Variants in DAD1 observed in about 807,000 individuals in gnomAD.
DAD1 encodes defender against cell death 1, also known as dolichyl-diphosphooligosaccharide--protein glycosyltransferase subunit DAD1.
In DAD1, 4 loss-of-function variants were observed where a neutral mutation model predicts 9.0. The ratio of observed to expected loss-of-function variants is 0.44; its 90% CI spans 0.22 to 1.01. DAD1 has a LOEUF of 1.01. Ranked by LOEUF, DAD1 falls within the 50% of genes least tolerant of loss-of-function variation. The pLI is 0.24. For missense variants in DAD1, 119 were observed against 137.3 expected (o/e 0.87, Z 0.67); for synonymous variants, 60 against 62.5 (o/e 0.96, Z 0.19).
At chr14:22,588,680 C>A (rs5742733) in intron 1 of DAD1, among the ~76,000 whole-genome samples, 4,588 of 152,234 alleles carry the variant, frequency 0.03, 102 homozygotes, top group Middle Eastern at 0.061. Context: ...TTTCCCCGGA[C>A]CAATATTAAG....
At chr14:22,588,347 C>A (rs1445094337) in intron 1 of DAD1, among the ~76,000 whole-genome samples, 1 of 152,010 alleles carries the variant, frequency 6.6e-6, no homozygotes, top group Non-Finnish European at 1.5e-5. Context: ...TAGCAGTCTA[C>A]AAGGTTACCA....
rs2139250874 is a variant in DAD1 at position 22,589,058 on chromosome 14, T to C, written c.100A>G (p.Ile34Val). Residue 34 changes from isoleucine to valine, a missense_variant, in exon 1 of 3, where the codon ATA becomes GTA. Transcript: ENST00000250498. Reference sequence around the variant, plus strand: ...AACTGCAGCGCCCCGGTCAGCAGTATATACAGCAGGTACGCGTCCAGCAAC... The same window carrying C: ...AACTGCAGCGCCCCGGTCAGCAGTACATACAGCAGGTACGCGTCCAGCAAC... ...LKLLDAYLLYILLTGALQFGY... is the reference protein window; with the variant it reads ...LKLLDAYLLYVLLTGALQFGY... 1.2e-6 allele frequency: 2 copies of C among 1,614,192 alleles called. No individual in the cohort carries two copies. Among genetic ancestry groups the C allele is most frequent in the Non-Finnish European group, 1.7e-6 (2 of 1,180,028 alleles).
chr14:22,588,252 C>A (rs1170329811), intron 1 of DAD1, among the ~76,000 whole-genome samples: 1 of 152,212 alleles, frequency 6.6e-6, no homozygotes, highest in East Asian at 1.9e-4. Flanking sequence ...AGAGGCCACG[C>A]CTGTTTTCAG....
At position 22,575,100 on chromosome 14, in the gene DAD1, G is replaced by C. The variant is rs2139240294; in HGVS notation, c.*3C>G. 6.2e-7 allele frequency: 1 copy of C among 1,613,740 alleles called. No homozygotes were observed. Among genetic ancestry groups the C allele is most frequent in the East Asian group, 2.2e-5 (1 of 44,882 alleles). On this transcript the variant is annotated 3_prime_UTR_variant, in exon 2 of 3. Transcript: ENST00000250498. Reference sequence around the variant, plus strand: ...ACTCCTCAATTAAGTAAATGAGAATGATTCAGCCAACAAAGTTCATGACAA... The same window carrying C: ...ACTCCTCAATTAAGTAAATGAGAATCATTCAGCCAACAAAGTTCATGACAA...
chr14:22,577,691 T>C (rs150494258), intron 1 of DAD1, among the ~76,000 whole-genome samples: 1 of 152,276 alleles, frequency 6.6e-6, no homozygotes, highest in African/African-American at 2.4e-5. Flanking sequence ...AAGGGACAAA[T>C]ACCATGTGGT....
At chr14:22,573,736 GA>G (rs572590900) in intron 2 of DAD1, among the ~76,000 whole-genome samples, 13,383 of 123,798 alleles carry the variant, frequency 0.11, 1,170 homozygotes, top group African/African-American at 0.25. Context: ...AAACAGAAAA[GA>G]AAAAAAAAAA....
At chr14:22,570,369 A>C (rs1037049296) in intron 2 of DAD1, among the ~76,000 whole-genome samples, 1 of 152,070 alleles carries the variant, frequency 6.6e-6, no homozygotes, top group Non-Finnish European at 1.5e-5. Flanking sequence ...TTTTGTTCCT[A>C]ACTCGACATT....
At position 22,586,269 on chromosome 14, in the gene DAD1, G is replaced by C. The variant is rs5742750; in HGVS notation, c.211+2678C>G. Among the ~76,000 whole-genome samples, 793 of 151,940 alleles carry C rather than the reference G, an allele frequency of 5.2e-3. 2 individuals carry two copies. The highest frequency in any genetic ancestry group is 0.018 in the African/African-American group (755 of 41,430). Reference sequence around the variant, plus strand: ...AGGATAAAGTCCAAATTCCTGGCCGGGCACAGTGACTCACACCTGTAATCC... The same window carrying C: ...AGGATAAAGTCCAAATTCCTGGCCGCGCACAGTGACTCACACCTGTAATCC... On this transcript the variant is annotated intron_variant, in intron 1 of 2. Transcript: ENST00000250498.
intron 1 of DAD1, among the ~76,000 whole-genome samples, chr14:22,581,185 A>C (rs1437785687): frequency 1.3e-5 from 2 of 152,244 alleles, no homozygotes; most frequent in Non-Finnish European, 2.9e-5. Flanking sequence ...CTCTCAAGGA[A>C]CTTACACTCC....
intron 1 of DAD1, among the ~76,000 whole-genome samples, chr14:22,580,765 T>C (rs1057284977): frequency 6.6e-5 from 10 of 152,012 alleles, no homozygotes; most frequent in Non-Finnish European, 1.2e-4. Flanking sequence ...CAAGAGGTGG[T>C]AGGGGGTGGC....
intron 1 of DAD1, among the ~76,000 whole-genome samples, chr14:22,582,805 T>C (rs1594884290): frequency 6.6e-6 from 1 of 151,968 alleles, no homozygotes; most frequent in Non-Finnish European, 1.5e-5. Context: ...CAGGAGTTCG[T>C]GACCAGCCTG....
intron 1 of DAD1, among the ~76,000 whole-genome samples, chr14:22,581,434 T>C (rs982925509): frequency 3.3e-5 from 5 of 152,044 alleles, no homozygotes; most frequent in African/African-American, 9.7e-5. Flanking sequence ...AGAACAATCT[T>C]GACATGTTAT....
chr14:22,573,691 CAG>C (rs2037058096), intron 2 of DAD1, among the ~76,000 whole-genome samples: 1 of 113,056 alleles, frequency 8.8e-6, no homozygotes, highest in East Asian at 2.7e-4. Flanking sequence ...GCCTGGGTAA[CAG>C]AGCGAGACTC....
intron 1 of DAD1, among the ~76,000 whole-genome samples, chr14:22,587,436 G>A (rs761909044): frequency 6.6e-6 from 1 of 152,172 alleles, no homozygotes; most frequent in Non-Finnish European, 1.5e-5. Flanking sequence ...GGCAGAGGGC[G>A]GTGGGTGGGT....
intron 1 of DAD1, among the ~76,000 whole-genome samples, chr14:22,577,215 C>T (rs1274186742): frequency 2.0e-5 from 3 of 152,208 alleles, no homozygotes; most frequent in Non-Finnish European, 4.4e-5. Flanking sequence ...AGGCGGATCA[C>T]CCGAGGTCAG....
chr14:22,586,997 C>G (rs2037157212), intron 1 of DAD1, among the ~76,000 whole-genome samples: 1 of 152,130 alleles, frequency 6.6e-6, no homozygotes, highest in Non-Finnish European at 1.5e-5. Flanking sequence ...TACTAATATG[C>G]CCTTTTACTA....
chr14:22,583,826 T>C (rs2037134460), intron 1 of DAD1, among the ~76,000 whole-genome samples: 1 of 151,996 alleles, frequency 6.6e-6, no homozygotes, highest in Non-Finnish European at 1.5e-5. Context: ...GGTATAAAAG[T>C]AGGTGATCTG....
intron 1 of DAD1, among the ~76,000 whole-genome samples, chr14:22,585,885 A>G (rs888802270): frequency 1.3e-5 from 2 of 152,172 alleles, no homozygotes; most frequent in Non-Finnish European, 2.9e-5. Context: ...TGCTAACACC[A>G]ATTTTAAATC....
intron 2 of DAD1, 43 bp downstream of exon 2, chr14:22,575,016 C>T (rs45530032): frequency 0.022 from 33,745 of 1,518,278 alleles, 441 homozygotes; most frequent in Non-Finnish European, 0.026. Context: ...ATTTCTCTTC[C>T]TAAAATCAAC....
Sources: allele counts gnomAD v4.1 joint callset (sites outside exome capture counted in the v4.1 genomes callset), GRCh38; gene constraint gnomAD v4.1.1; transcripts MANE v1.5; gene names NCBI Gene and HGNC (gene_info 2026-07-23, HGNC 2026-07-21).